ZNF148: variants seen among roughly 807,000 people sequenced by gnomAD.
ZNF148 encodes zinc finger protein 148, also known as Beta-Enolase Repressor Factor-1.
A neutral mutation model predicts 67.7 loss-of-function variants in ZNF148; 7 were observed. That is an observed-to-expected ratio of 0.10 (90% CI 0.06 to 0.19). The LOEUF (loss-of-function observed/expected upper bound fraction) is 0.19. Among genes scored for constraint, ZNF148 ranks in the 10% least tolerant of loss-of-function variants. ZNF148 has a pLI of 1.00. For missense variants in ZNF148, 583 were observed against 947.1 expected (o/e 0.62, Z 5.05); for synonymous variants, 333 against 330.7 (o/e 1.01, Z -0.08).
intron 4 of ZNF148, among the ~76,000 whole-genome samples, chr3:125,309,096 G>A (rs1369942832): frequency 6.6e-6 from 1 of 152,086 alleles, no homozygotes; most frequent in Non-Finnish European, 1.5e-5. Context: ...AATTGACTGG[G>A]AAGAATTACA....
At chr3:125,316,223 A>G (rs1250034105) in intron 3 of ZNF148, among the ~76,000 whole-genome samples, 1 of 152,182 alleles carries the variant, frequency 6.6e-6, no homozygotes, top group Non-Finnish European at 1.5e-5. Flanking sequence ...GTGCATATGT[A>G]CATTTTCTTT....
At chr3:125,280,374 C>A (rs1008749755) in intron 5 of ZNF148, among the ~76,000 whole-genome samples, 1 of 152,050 alleles carries the variant, frequency 6.6e-6, no homozygotes, top group African/African-American at 2.4e-5. Flanking sequence ...ACAACTTGTT[C>A]AATGTGCAAC....
At chr3:125,273,710 G>C (rs1313143879) in intron 7 of ZNF148, among the ~76,000 whole-genome samples, 3 of 152,010 alleles carry the variant, frequency 2.0e-5, no homozygotes, top group African/African-American at 7.2e-5. Flanking sequence ...TCAAACTCCT[G>C]ACCTCGTGAT....
intron 1 of ZNF148, among the ~76,000 whole-genome samples, chr3:125,354,950 A>G (rs1942287995): frequency 6.6e-6 from 1 of 152,192 alleles, no homozygotes. Flanking sequence ...GTATCAAGCA[A>G]AAGTGATGCC....
chr3:125,264,047 G>A (rs190197297), intron 7 of ZNF148, among the ~76,000 whole-genome samples: 10 of 152,352 alleles, frequency 6.6e-5, no homozygotes, highest in Admixed American at 3.9e-4. Context: ...CCAAGTGCCA[G>A]GATGGTGGCA....
intron 4 of ZNF148, among the ~76,000 whole-genome samples, chr3:125,307,136 A>C (rs2107661171): frequency 6.6e-6 from 1 of 152,280 alleles, no homozygotes; most frequent in Non-Finnish European, 1.5e-5. Flanking sequence ...TTCAACAAGA[A>C]AAAAGGACGA....
At chr3:125,250,496 T>C (rs1936791602) in intron 7 of ZNF148, among the ~76,000 whole-genome samples, 1 of 152,204 alleles carries the variant, frequency 6.6e-6, no homozygotes. Context: ...TACATGTACA[T>C]ACTTCTTTCA....
At chr3:125,330,274 G>A (rs1048881756) in intron 2 of ZNF148, among the ~76,000 whole-genome samples, 2 of 151,974 alleles carry the variant, frequency 1.3e-5, no homozygotes, top group Admixed American at 6.6e-5. Context: ...AGACCCGCCT[G>A]GGCAACATGG....
chr3:125,273,060 T>G (rs1366464426), intron 7 of ZNF148, among the ~76,000 whole-genome samples: 1 of 152,212 alleles, frequency 6.6e-6, no homozygotes, highest in Admixed American at 6.5e-5. Flanking sequence ...TAGAGCTAAT[T>G]AACTATAAAT....
intron 4 of ZNF148, among the ~76,000 whole-genome samples, chr3:125,291,994 G>A (rs1009537423): frequency 6.6e-6 from 1 of 152,124 alleles, no homozygotes; most frequent in African/African-American, 2.4e-5. Context: ...ACTGTCTAAC[G>A]AATGTCAGCA....
At chr3:125,261,650 T>C (rs1579646496) in intron 7 of ZNF148, among the ~76,000 whole-genome samples, 1 of 151,932 alleles carries the variant, frequency 6.6e-6, no homozygotes, top group Non-Finnish European at 1.5e-5. Flanking sequence ...GGAGGACTGA[T>C]AGGAGAGAGT....
chr3:125,252,732 C>T (rs1430062530), intron 7 of ZNF148, among the ~76,000 whole-genome samples: 1 of 150,004 alleles, frequency 6.7e-6, no homozygotes, highest in South Asian at 2.1e-4. Context: ...TGTGCCCCTG[C>T]ACTCCAGCCT....
At chr3:125,356,800 A>G (rs983597418) in intron 1 of ZNF148, among the ~76,000 whole-genome samples, 5 of 152,248 alleles carry the variant, frequency 3.3e-5, no homozygotes, top group African/African-American at 1.2e-4. Flanking sequence ...GCATCGTAAA[A>G]GGTGTTTCAC....
At chr3:125,308,419 G>A (rs943034459) in intron 4 of ZNF148, among the ~76,000 whole-genome samples, 2 of 151,442 alleles carry the variant, frequency 1.3e-5, no homozygotes, top group African/African-American at 2.4e-5. Flanking sequence ...AAGTAAAGGT[G>A]TACTACATTC....
intron 7 of ZNF148, among the ~76,000 whole-genome samples, chr3:125,264,173 A>G (rs1004668131): frequency 6.6e-6 from 1 of 152,234 alleles, no homozygotes; most frequent in Non-Finnish European, 1.5e-5. Flanking sequence ...TGGTAAATGT[A>G]AGTAAAGCAC....
chr3:125,336,512 C>T (rs976261595), intron 1 of ZNF148, among the ~76,000 whole-genome samples: 1 of 151,990 alleles, frequency 6.6e-6, no homozygotes, highest in Non-Finnish European at 1.5e-5. Context: ...ATAGTAACTG[C>T]TTTCAAATTT....
intron 1 of ZNF148, among the ~76,000 whole-genome samples, chr3:125,352,139 CAA>C (rs983113178): frequency 1.4e-4 from 19 of 139,276 alleles, no homozygotes; most frequent in African/African-American, 4.8e-4. Context: ...AAAAAAAAAA[CAA>C]AGTGGAAACA....
chr3:125,234,433 T>C (rs780314582), intron 7 of ZNF148, 104 bp from the exon 8 acceptor site: 16 of 776,946 alleles, frequency 2.1e-5, no homozygotes, highest in South Asian at 3.7e-5. Flanking sequence ...AAGTTGTAAC[T>C]TCCAATTTCA....
At chr3:125,339,103 C>A (rs180996958) in intron 1 of ZNF148, among the ~76,000 whole-genome samples, 3 of 152,262 alleles carry the variant, frequency 2.0e-5, no homozygotes, top group Admixed American at 1.3e-4. Context: ...TCTCAAACTC[C>A]TGACCCTCAA....
Sources: gnomAD v4.1 joint callset for allele counts (sites outside exome capture counted in the v4.1 genomes callset) on GRCh38, gnomAD v4.1.1 for gene constraint, MANE v1.5 for transcripts, NCBI Gene and HGNC (gene_info 2026-07-23, HGNC 2026-07-21) for gene names.